The following MCUB variants were observed in gnomAD, a reference collection of about 807,000 sequenced individuals.
The protein encoded by MCUB is mitochondrial calcium uniporter dominant negative subunit beta.
In MCUB, 46 loss-of-function variants were observed where a neutral mutation model predicts 41.4. The ratio of observed to expected loss-of-function variants is 1.11; its 90% CI spans 0.88 to 1.42. The LOEUF is 1.42. Among genes scored for constraint, MCUB ranks in the 40% most tolerant of loss-of-function variants. MCUB has a pLI of 0.00. For synonymous variants in MCUB, 148 were observed against 148.2 expected (o/e 1.00, Z 0.01); for missense variants, 403 against 404.9 (o/e 1.00, Z 0.04).
chr4:109,572,861 T>C (rs560265619), intron 1 of MCUB, among the ~76,000 whole-genome samples: 1 of 152,328 alleles, frequency 6.6e-6, no homozygotes, highest in East Asian at 1.9e-4. Flanking sequence ...CTACATTATA[T>C]ATTTCTTGAA....
intron 1 of MCUB, among the ~76,000 whole-genome samples, chr4:109,567,540 GGCAC>G (rs1726810861): frequency 1.1e-4 from 15 of 142,188 alleles, no homozygotes; most frequent in Admixed American, 3.6e-4. Flanking sequence ...CAGACATGGT[GGCAC>G]GTGCCTGTAA....
chr4:109,604,747 G>A (rs148434782), intron 1 of MCUB, among the ~76,000 whole-genome samples: 40 of 152,308 alleles, frequency 2.6e-4, no homozygotes, highest in African/African-American at 9.4e-4. Context: ...TTTATCAAGT[G>A]CTTTTTCAGC....
chr4:109,628,840 G>A (rs963259582), intron 1 of MCUB, among the ~76,000 whole-genome samples: 10 of 152,214 alleles, frequency 6.6e-5, no homozygotes, highest in East Asian at 1.9e-4. Flanking sequence ...GAGCCAGGAC[G>A]TCGATACAGG....
chr4:109,586,080 AG>A (rs1422142889), intron 1 of MCUB, among the ~76,000 whole-genome samples: 3 of 152,202 alleles, frequency 2.0e-5, no homozygotes, highest in African/African-American at 7.2e-5. Context: ...TGTCACTTTC[AG>A]GTACACCAAT....
intron 7 of MCUB, among the ~76,000 whole-genome samples, chr4:109,686,021 T>C (rs1278064742): frequency 6.6e-6 from 1 of 152,242 alleles, no homozygotes; most frequent in East Asian, 1.9e-4. Flanking sequence ...CATTGCTCAA[T>C]GCATGCTTGT....
chr4:109,587,332 G>A (rs9990916), intron 1 of MCUB, among the ~76,000 whole-genome samples: 2,752 of 152,356 alleles, frequency 0.018, 61 homozygotes, highest in South Asian at 0.072. Context: ...GTATTTGGGC[G>A]AGAGTGTCCC....
chr4:109,569,046 T>G (rs554446272), intron 1 of MCUB, among the ~76,000 whole-genome samples: 274 of 152,158 alleles, frequency 1.8e-3, no homozygotes, highest in Non-Finnish European at 3.1e-3. Context: ...AAGTGAACAG[T>G]AGTCTTTTTT....
chr4:109,581,389 G>A (rs1561215747), intron 1 of MCUB, among the ~76,000 whole-genome samples: 1 of 152,094 alleles, frequency 6.6e-6, no homozygotes, highest in African/African-American at 2.4e-5. Flanking sequence ...ATTCAAGATG[G>A]ATTAAAGACT....
chr4:109,684,687 T>C, intron 6 of MCUB, 41 bp downstream of exon 6: 1 of 931,740 alleles, frequency 1.1e-6, no homozygotes, highest in Admixed American at 2.0e-5. Context: ...AGAACATCTT[T>C]GCAAAGAATG....
intron 1 of MCUB, among the ~76,000 whole-genome samples, chr4:109,589,344 G>C (rs985204846): frequency 1.3e-5 from 2 of 152,140 alleles, no homozygotes; most frequent in Non-Finnish European, 2.9e-5. Context: ...TCTGGCATTT[G>C]TCTCCCCTCT....
At chr4:109,581,983 G>T (rs1431555791) in intron 1 of MCUB, among the ~76,000 whole-genome samples, 1 of 152,106 alleles carries the variant, frequency 6.6e-6, no homozygotes, top group East Asian at 1.9e-4. Context: ...ATTCCTCAGG[G>T]ATCTAGAACT....
At chr4:109,637,309 G>A (rs936153684) in intron 1 of MCUB, among the ~76,000 whole-genome samples, 1 of 152,230 alleles carries the variant, frequency 6.6e-6, no homozygotes, top group African/African-American at 2.4e-5. Flanking sequence ...TTTTGTGGCT[G>A]AAGTTTGAAA....
At chr4:109,680,106 G>T (rs1729682791) in intron 4 of MCUB, among the ~76,000 whole-genome samples, 1 of 151,980 alleles carries the variant, frequency 6.6e-6, no homozygotes, top group Non-Finnish European at 1.5e-5. Context: ...CTGGCCTGAG[G>T]GTATAAATTT....
rs1727784417 is a variant in MCUB, at chr4:109,603,206, C to T, written c.99+42770C>T. Among the ~76,000 whole-genome samples, 3 of 152,298 alleles carry T rather than the reference C, an allele frequency of 2.0e-5. No homozygotes were observed. In the South Asian group the frequency reaches 6.2e-4, roughly 32 times the overall value. Reference sequence around the variant, plus strand: ...ACTGCAACCTCCCTGCCTGATTCTCCTGCCTCAGCCTGCCGAGTGCCTGGG... The same window carrying T: ...ACTGCAACCTCCCTGCCTGATTCTCTTGCCTCAGCCTGCCGAGTGCCTGGG... On this transcript the variant is annotated intron_variant, in intron 1 of 7. Coordinates refer to ENST00000394650, the MANE Select transcript of MCUB (RefSeq NM_017918.5).
chr4:109,626,728 A>G (rs10027369), intron 1 of MCUB, among the ~76,000 whole-genome samples: 3,400 of 143,090 alleles, frequency 0.024, 122 homozygotes, highest in African/African-American at 0.084. Flanking sequence ...CAGGAGTATC[A>G]GTTGAACCCA....
intron 1 of MCUB, among the ~76,000 whole-genome samples, chr4:109,618,153 C>G (rs1728170680): frequency 6.6e-6 from 1 of 152,218 alleles, no homozygotes; most frequent in Admixed American, 6.5e-5. Flanking sequence ...AGCACAGGAA[C>G]TCGGGAGTTT....
chr4:109,604,962 G>A (rs1378543039), intron 1 of MCUB, among the ~76,000 whole-genome samples: 1 of 152,166 alleles, frequency 6.6e-6, no homozygotes, highest in Non-Finnish European at 1.5e-5. Context: ...ATTCATGAGG[G>A]ATATTGACCT....
chr4:109,685,023 A>T, intron 6 of MCUB: 1 of 411,626 alleles, frequency 2.4e-6, no homozygotes, highest in Non-Finnish European at 4.3e-6. Context: ...CTTTCCCATT[A>T]TGTGTAATTT....
chr4:109,603,110 GTC>G (rs1013025038), intron 1 of MCUB, among the ~76,000 whole-genome samples: 13 of 152,078 alleles, frequency 8.5e-5, no homozygotes, highest in African/African-American at 3.1e-4. Context: ...CCTCTCCATA[GTC>G]TCTGTCTGCC....
Sources: allele counts gnomAD v4.1 joint callset (sites outside exome capture counted in the v4.1 genomes callset), GRCh38; gene constraint gnomAD v4.1.1; transcripts MANE v1.5; gene names NCBI Gene and HGNC (gene_info 2026-07-23, HGNC 2026-07-21).